KLHL14: variants seen among roughly 807,000 people sequenced by gnomAD.
KLHL14 encodes the protein kelch like family member 14.
KLHL14 carries 22 observed loss-of-function variants against 64.3 expected under a neutral mutation model. That is an observed-to-expected ratio of 0.34 (90% CI 0.24 to 0.49). The LOEUF is 0.49. KLHL14 is among the 20% of genes least tolerant of loss of function. KLHL14 has a pLI of 0.99. For missense variants in KLHL14, 661 were observed against 789.0 expected, an observed-to-expected ratio of 0.84 and a Z score of 1.94; for synonymous variants, 322 against 333.4, an observed-to-expected ratio of 0.97 and a Z score of 0.37.
intron 3 of KLHL14, among the ~76,000 whole-genome samples, chr18:32,700,767 A>G (rs2049962299): frequency 6.6e-6 from 1 of 152,158 alleles, no homozygotes; most frequent in African/African-American, 2.4e-5. Context: ...GTTTCAAATG[A>G]TAAGTGCAAG....
intron 2 of KLHL14, among the ~76,000 whole-genome samples, chr18:32,760,452 G>T (rs922526052): frequency 6.6e-6 from 1 of 151,950 alleles, no homozygotes; most frequent in Non-Finnish European, 1.5e-5. Context: ...AGATATTGCT[G>T]CTTTCTCTCT....
chr18:32,682,797 T>A (rs2049848931), intron 5 of KLHL14, among the ~76,000 whole-genome samples: 1 of 152,212 alleles, frequency 6.6e-6, no homozygotes, highest in South Asian at 2.1e-4. Flanking sequence ...CTGACACATA[T>A]CTACAAAAAT....
At chr18:32,741,379 A>C (rs992359973) in intron 3 of KLHL14, among the ~76,000 whole-genome samples, 7 of 152,206 alleles carry the variant, frequency 4.6e-5, no homozygotes, top group African/African-American at 1.7e-4. Flanking sequence ...AGAAGTTTGC[A>C]AGCACAATTT....
intron 3 of KLHL14, among the ~76,000 whole-genome samples, chr18:32,706,219 A>G (rs1335652462): frequency 6.6e-6 from 1 of 152,226 alleles, no homozygotes; most frequent in South Asian, 2.1e-4. Flanking sequence ...GGGCCAGGAC[A>G]TCAGGATTAT....
At position 32,770,492 on chromosome 18, in the gene KLHL14, C is replaced by G; in HGVS notation, c.100G>C (p.Asp34His). 6.2e-7 allele frequency: 1 copy of G among 1,611,916 alleles called. No individual in the cohort carries two copies. Among genetic ancestry groups the G allele is most frequent in the Non-Finnish European group, 8.5e-7 (1 of 1,179,860 alleles). ...NLLWRKQLFC[D>H]VTLTAQGQQF... ...TGGCCCTGGGCCGTCAGGGTCACGT[C>G]GCAAAACAGCTGCTTCCTCCACAGC... The change falls in exon 2 of 9, where the codon GAC (aspartate) becomes CAC (histidine). Residue 34 changes from aspartate (D) to histidine (H), a missense_variant. This residue lies in a region of KLHL14 where 331 missense variants were observed against 339.0 expected (regional missense o/e 0.98). Coordinates refer to ENST00000359358, the MANE Select transcript of KLHL14 (RefSeq NM_020805.3). The surrounding 1 kb of genome is among the most constrained non-coding windows in gnomAD (Gnocchi z 6.7).
rs539402713 is a variant in KLHL14, at chr18:32,763,601, A to AG, written c.947+6043dup. On this transcript the variant is annotated intron_variant, in intron 2 of 8. Transcript: ENST00000359358. ...TGCTGTAAAGATTAGAAACACTGTAAGTGATAAGTCAAGCTTGTGGTAGTT... is the reference window on the plus strand; with the variant it reads ...TGCTGTAAAGATTAGAAACACTGTAAGGTGATAAGTCAAGCTTGTGGTAGTT... Among the ~76,000 whole-genome samples, 17 of 152,274 alleles carry AG rather than the reference A, an allele frequency of 1.1e-4. 1 individual carries two copies. In the South Asian group the frequency reaches 3.5e-3, roughly 32 times the overall value.
chr18:32,706,078 C>A (rs937147968), intron 3 of KLHL14, among the ~76,000 whole-genome samples: 1 of 152,186 alleles, frequency 6.6e-6, no homozygotes, highest in East Asian at 1.9e-4. Context: ...TTATTGGTGC[C>A]GTTGCACTTA....
At chr18:32,716,420 CT>C (rs60090148) in intron 3 of KLHL14, among the ~76,000 whole-genome samples, 15 of 147,358 alleles carry the variant, frequency 1.0e-4, no homozygotes, top group East Asian at 2.0e-4. Context: ...GCTTGCTTGA[CT>C]TTTTTTTTTT....
At chr18:32,732,525 G>C (rs1328528159) in intron 3 of KLHL14, among the ~76,000 whole-genome samples, 2 of 152,156 alleles carry the variant, frequency 1.3e-5, no homozygotes, top group East Asian at 3.9e-4. Context: ...AGATGTGGCT[G>C]AGCAATTTGT....
intron 4 of KLHL14, among the ~76,000 whole-genome samples, chr18:32,688,817 G>A (rs963867315): frequency 1.3e-5 from 2 of 152,170 alleles, no homozygotes; most frequent in Non-Finnish European, 2.9e-5. Flanking sequence ...TGTATAAAGA[G>A]TAGACTATAG....
rs56135629 is a variant in KLHL14, at chr18:32,693,413, CAGAGAGAGAGAG to C, written c.1159+2038_1159+2049del. 8.9e-4 allele frequency among the ~76,000 whole-genome samples: 86 copies of C among 97,032 alleles called. 1 individual carries two copies. The highest frequency in any genetic ancestry group is 6.4e-3 in the Middle Eastern group (1 of 156). 63.7% of individuals were successfully genotyped at this position (97,032 alleles called of 152,430 possible). On this transcript the variant is annotated intron_variant, in intron 4 of 8. Coordinates refer to ENST00000359358, the MANE Select transcript of KLHL14 (RefSeq NM_020805.3). ...ACACACACACACACACACACACACA[CAGAGAGAGAGAG>C]AGAGAGAGAGAGAGAGAGAGAGAGA...
chr18:32,758,751 C>T (rs2050297158), intron 2 of KLHL14, among the ~76,000 whole-genome samples: 1 of 151,982 alleles, frequency 6.6e-6, no homozygotes, highest in South Asian at 2.1e-4. Context: ...TATTATTCAG[C>T]CATAAAAATA....
At chr18:32,758,145 T>C (rs2050292121) in intron 2 of KLHL14, among the ~76,000 whole-genome samples, 1 of 152,022 alleles carries the variant, frequency 6.6e-6, no homozygotes, top group Non-Finnish European at 1.5e-5. Context: ...TTTTTAGAGA[T>C]GGTGTCTCGC....
chr18:32,772,792 GCAGT>G lies in KLHL14; in HGVS notation c.-173_-170del, dbSNP rs1402438199. 1 of 152,684 alleles carries G rather than the reference GCAGT, an allele frequency of 6.5e-6. No homozygotes were observed. Among genetic ancestry groups the G allele is most frequent in the Non-Finnish European group, 1.5e-5 (1 of 68,446 alleles). The allele number at this position is 152,684 out of a possible 1,614,324, so 9.5% of individuals were successfully genotyped here. On this transcript the variant is annotated 5_prime_UTR_variant, in exon 1 of 9. The change abolishes the stop of an existing upstream ORF in the 5' untranslated region. Transcript: ENST00000359358. ...AACACCTTCTGGTTCCCAACTCCAG[GCAGT>G]CACTCTTTACAATTTATTTTGTCGT...
intron 3 of KLHL14, among the ~76,000 whole-genome samples, chr18:32,722,580 G>C (rs2050085123): frequency 6.6e-6 from 1 of 152,100 alleles, no homozygotes; most frequent in South Asian, 2.1e-4. Flanking sequence ...CCATAACCAT[G>C]AATGTGTCCA....
rs763389110 is a variant in KLHL14 at position 32,770,464 on chromosome 18, T to C, written c.128A>G (p.Gln43Arg). 3 of 1,612,710 alleles carry C rather than the reference T, an allele frequency of 1.9e-6. No individual in the cohort carries two copies. The highest frequency in any genetic ancestry group is 1.7e-6 in the Non-Finnish European group (2 of 1,179,866). ...CDVTLTAQGQQFHCHKAVLAS... is the reference protein window; with the variant it reads ...CDVTLTAQGQRFHCHKAVLAS... ...CAGCACGGCCTTGTGGCAATGGAAC[T>C]GCTGGCCCTGGGCCGTCAGGGTCAC... Residue 43 changes from glutamine (Q) to arginine (R), a missense_variant, in exon 2 of 9, where the codon CAG (glutamine) becomes CGG (arginine). Around this residue, in one of 2 missense-constraint regions of KLHL14, gnomAD observed 331 missense variants for 339.0 expected, o/e 0.98. Coordinates refer to ENST00000359358, the MANE Select transcript of KLHL14 (RefSeq NM_020805.3). This position sits in a 1 kb window ranked among gnomAD's most constrained non-coding sequence, Gnocchi z 6.7.
chr18:32,758,912 G>T (rs147461069), intron 2 of KLHL14, among the ~76,000 whole-genome samples: 120 of 152,284 alleles, frequency 7.9e-4, no homozygotes, highest in East Asian at 2.7e-3. Context: ...GTAGATTAGT[G>T]GTTACCTAGG....
At chr18:32,689,409 A>G (rs2049896222) in intron 4 of KLHL14, among the ~76,000 whole-genome samples, 2 of 152,164 alleles carry the variant, frequency 1.3e-5, no homozygotes, top group Admixed American at 1.3e-4. Flanking sequence ...ATAGTGTTTC[A>G]AAAGGAAGGG....
At chr18:32,700,512 A>G (rs1201365373) in intron 3 of KLHL14, among the ~76,000 whole-genome samples, 2 of 152,116 alleles carry the variant, frequency 1.3e-5, no homozygotes, top group Admixed American at 6.6e-5. Flanking sequence ...CATTATATAT[A>G]TGGGTCATTT....
Sources: gnomAD v4.1 joint callset for allele counts (sites outside exome capture counted in the v4.1 genomes callset) on GRCh38, gnomAD v4.1.1 for gene constraint, gnomAD v4.1.1 regional missense constraint, Gnocchi (gnomAD v3.1) non-coding constraint, MANE v1.5 for transcripts, NCBI Gene and HGNC (gene_info 2026-07-23, HGNC 2026-07-21) for gene names.